MED15: variants seen among roughly 807,000 people sequenced by gnomAD.
MED15 encodes the protein mediator complex subunit 15.
In MED15, 41 loss-of-function variants were observed where a neutral mutation model predicts 118.7. That is an observed-to-expected ratio of 0.35 (90% CI 0.27 to 0.45). The LOEUF (loss-of-function observed/expected upper bound fraction) is 0.45, where lower values mean the gene tolerates loss of function less well. MED15 is among the 20% of genes least tolerant of loss of function. The probability of loss-of-function intolerance (pLI) is 1.00; values close to 1 mark genes in which losing one functional copy is unlikely to be tolerated. For synonymous variants in MED15, 436 were observed against 413.9 expected (o/e 1.05, Z -0.65); for missense variants, 740 against 1,025.5 (o/e 0.72, Z 3.80).
chr22:20,566,586 T>A lies in MED15; in HGVS notation c.810T>A (p.Ile270=). The change falls in exon 7 of 18, where the codon ATT becomes ATA. Residue 270 remains isoleucine (I), a synonymous_variant. Coordinates refer to ENST00000263205, the MANE Select transcript of MED15 (RefSeq NM_001003891.3). ...QQQALQAQPP[I]QQPPMQQPQP... ...AGGCTTTGCAGGCCCAGCCACCAATTCAGCAGCCACCGATGCAGCAGCCAC... is the reference window on the plus strand; with the variant it reads ...AGGCTTTGCAGGCCCAGCCACCAATACAGCAGCCACCGATGCAGCAGCCAC... 1 of 1,613,442 alleles carries A rather than the reference T, an allele frequency of 6.2e-7. No homozygotes were observed. Among genetic ancestry groups the A allele is most frequent in the Non-Finnish European group, 8.5e-7 (1 of 1,179,794 alleles).
chr22:20,521,098 T>C (rs2054434867), intron 1 of MED15, among the ~76,000 whole-genome samples: 1 of 134,606 alleles, frequency 7.4e-6, no homozygotes, highest in Non-Finnish European at 1.6e-5. Flanking sequence ...ATTTTTTTTT[T>C]TTTTTTTTTT....
At chr22:20,535,593 A>T (rs1363690397) in intron 1 of MED15, among the ~76,000 whole-genome samples, 6 of 145,522 alleles carry the variant, frequency 4.1e-5, no homozygotes, top group Non-Finnish European at 6.0e-5. Context: ...GGAGTCTCGC[A>T]CTGTTGCCCA....
chr22:20,525,312 G>GT (rs1309475553), intron 1 of MED15, among the ~76,000 whole-genome samples: 2 of 145,558 alleles, frequency 1.4e-5, no homozygotes, highest in African/African-American at 5.6e-5. Context: ...GTGAACATGA[G>GT]TTTTTTTGTT....
At chr22:20,558,936 G>A (rs1464645638) in intron 5 of MED15, among the ~76,000 whole-genome samples, 2 of 152,220 alleles carry the variant, frequency 1.3e-5, no homozygotes, top group African/African-American at 4.8e-5. Context: ...GACACATGTA[G>A]GCATGCCCAG....
At chr22:20,553,212 C>T (rs1289374305) in intron 4 of MED15, 38 bp downstream of exon 4, 10 of 1,600,792 alleles carry the variant, frequency 6.2e-6, no homozygotes, top group Non-Finnish European at 8.6e-6. Context: ...TTTCTCCCAA[C>T]TTTGGATTTG....
chr22:20,566,121 C>T (rs1187985154), intron 6 of MED15, among the ~76,000 whole-genome samples: 1 of 148,840 alleles, frequency 6.7e-6, no homozygotes, highest in Non-Finnish European at 1.5e-5. Context: ...CTCACTGCAA[C>T]CTCTGCCCCA....
At chr22:20,576,818 C>G (rs2056836744) in intron 9 of MED15, among the ~76,000 whole-genome samples, 2 of 152,290 alleles carry the variant, frequency 1.3e-5, no homozygotes, top group Non-Finnish European at 2.9e-5. Flanking sequence ...GCTGGTGTCT[C>G]CTTGACTAGA....
At chr22:20,561,107 ATAAT>A (rs1208692270) in intron 5 of MED15, among the ~76,000 whole-genome samples, 1 of 152,234 alleles carries the variant, frequency 6.6e-6, no homozygotes, top group African/African-American at 2.4e-5. Context: ...AACAATGGAA[ATAAT>A]TCATAAAATT....
At chr22:20,510,689 T>C (rs2054033285) in intron 1 of MED15, among the ~76,000 whole-genome samples, 1 of 152,226 alleles carries the variant, frequency 6.6e-6, no homozygotes, top group African/African-American at 2.4e-5. Flanking sequence ...GCTTTTTATG[T>C]GTCTCCCTCC....
intron 5 of MED15, among the ~76,000 whole-genome samples, chr22:20,564,087 G>T (rs982177151): frequency 6.6e-6 from 1 of 152,204 alleles, no homozygotes; most frequent in African/African-American, 2.4e-5. Context: ...AAAGAAGCTA[G>T]TCACAAAAGA....
intron 9 of MED15, among the ~76,000 whole-genome samples, chr22:20,581,132 G>C (rs1273470089): frequency 6.6e-6 from 1 of 152,150 alleles, no homozygotes; most frequent in Non-Finnish European, 1.5e-5. Context: ...CCCACCCCCT[G>C]GTCTCCCAGC....
Position 20,585,587 on chromosome 22 carries a change from GAGTC to G in MED15, c.2132-138_2132-135del, listed in dbSNP as rs1306829673. ...CCAGGCTTCACGTTTGGAAATCTGAGAGTCAGAGAGACCTCCTCCAGGCTTTGCC... is the reference window on the plus strand; with the variant it reads ...CCAGGCTTCACGTTTGGAAATCTGAGAGAGAGACCTCCTCCAGGCTTTGCC... On this transcript the variant is annotated intron_variant, in intron 16 of 17. Transcript: ENST00000263205. 19 of 788,908 alleles carry G rather than the reference GAGTC, an allele frequency of 2.4e-5. No individual in the cohort carries two copies. In the South Asian group the frequency reaches 2.7e-4, roughly 11 times the overall value. 48.9% of individuals were successfully genotyped at this position (788,908 alleles called of 1,614,324 possible). A position where few individuals can be genotyped will look rare whatever the true frequency, so the allele number is the denominator to read the frequency against.
At position 20,584,175 on chromosome 22, in the gene MED15, G is replaced by C. The variant is rs539590106; in HGVS notation, c.1737-184G>C. The stretch of plus-strand genomic sequence containing the variant: ...CCATCACCTCACTCTGCCAACCAGG[G>C]ACAAGCAGCTCCTGGGGTTGAGGGC... On this transcript the variant is annotated intron_variant, in intron 13 of 17. Transcript: ENST00000263205. 84 of 627,794 alleles carry C rather than the reference G, an allele frequency of 1.3e-4. No individual in the cohort carries two copies. The African/African-American group carries it at 1.4e-3, about 10-fold the overall frequency. 38.9% of individuals were successfully genotyped at this position (627,794 alleles called of 1,614,324 possible).
In MED15 at chr22:20,582,936, T is replaced by C. The variant is rs1186809115; in HGVS notation, c.1506T>C (p.Ser502=). ...PVTARTPQNF[S]VPSPGPLNTP... is the part of the protein sequence containing the mutation. ...CGGCGCGGACCCCACAGAACTTCAG[T>C]GTCCCCTCACCTGGACCTTTAAACA... Residue 502 remains serine (S), a synonymous_variant, in exon 11 of 18, where the codon AGT becomes AGC. Transcript: ENST00000263205. 1.2e-6 allele frequency: 2 copies of C among 1,613,722 alleles called. No individual in the cohort carries two copies.
rs544739495 is a variant in MED15 at position 20,586,768 on chromosome 22, C to A, written c.*64C>A. On this transcript the variant is annotated 3_prime_UTR_variant, in exon 18 of 18. Transcript: ENST00000263205. ...AAGGACACACGCCTCCTGTCAGACA[C>A]TTCTAGGTGTTGGCTTCCTTAGAGA... 1 of 1,588,072 alleles carries A rather than the reference C, an allele frequency of 6.3e-7. No individual in the cohort carries two copies. The highest frequency in any genetic ancestry group is 8.6e-7 in the Non-Finnish European group (1 of 1,167,718).
At chr22:20,574,662 ATGGTTCAG>A (rs1373954839) in intron 8 of MED15, 2 of 157,700 alleles carry the variant, frequency 1.3e-5, no homozygotes, top group African/African-American at 2.4e-5. Flanking sequence ...AACTGAGCTC[ATGGTTCAG>A]TGGGAGTTGA....
In MED15 at chr22:20,584,438, C is replaced by G. The variant is rs535404608; in HGVS notation, c.1803+13C>G. 1.8e-5 allele frequency: 29 copies of G among 1,613,186 alleles called. No homozygotes were observed. In the African/African-American group the frequency reaches 3.7e-4, roughly 21 times the overall value. On this transcript the variant is annotated intron_variant, in intron 14 of 17. Transcript: ENST00000263205. Reference sequence around the variant, plus strand: ...TGACATGGCGGTGGTGAGTGGGATGCCAGACACCCCTAGGGGAACCAGGGC... The same window carrying G: ...TGACATGGCGGTGGTGAGTGGGATGGCAGACACCCCTAGGGGAACCAGGGC...
chr22:20,524,284 G>A (rs905788792), intron 1 of MED15: 6 of 152,240 alleles, frequency 3.9e-5, no homozygotes, highest in African/African-American at 1.4e-4. Context: ...TGGGCACTGG[G>A]GCAGTAAATT....
intron 1 of MED15, among the ~76,000 whole-genome samples, chr22:20,515,884 T>C (rs1326047119): frequency 6.6e-6 from 1 of 151,888 alleles, no homozygotes; most frequent in Non-Finnish European, 1.5e-5. Context: ...ACACCTGTAG[T>C]CCCAGCTACT....
Sources: gnomAD v4.1 joint callset for allele counts (sites outside exome capture counted in the v4.1 genomes callset) on GRCh38, gnomAD v4.1.1 for gene constraint, MANE v1.5 for transcripts, NCBI Gene and HGNC (gene_info 2026-07-23, HGNC 2026-07-21) for gene names.